The following OR9Q1 variants were observed in gnomAD, a reference collection of about 807,000 sequenced individuals.
OR9Q1 encodes the protein olfactory receptor 9Q1.
For missense variants in OR9Q1, 374 were observed against 378.8 expected (o/e 0.99, Z 0.11); for synonymous variants, 153 against 148.6 (o/e 1.03, Z -0.22).
intron 2 of OR9Q1, among the ~76,000 whole-genome samples, chr11:58,124,096 G>A (rs978118785): frequency 2.6e-5 from 4 of 152,044 alleles, no homozygotes; most frequent in African/African-American, 9.7e-5. Flanking sequence ...TTTCCCAGAG[G>A]GAAAAATTTT....
At chr11:58,149,483 C>T (rs1854329609) in intron 2 of OR9Q1, among the ~76,000 whole-genome samples, 1 of 152,084 alleles carries the variant, frequency 6.6e-6, no homozygotes, top group Non-Finnish European at 1.5e-5. Context: ...AAAAAATTTA[C>T]CATTTTAACC....
At chr11:58,126,175 C>T (rs1009681796) in intron 2 of OR9Q1, among the ~76,000 whole-genome samples, 1 of 152,174 alleles carries the variant, frequency 6.6e-6, no homozygotes, top group Non-Finnish European at 1.5e-5. Context: ...CTAACCACTC[C>T]AGCTCTTGTC....
chr11:58,123,392 A>G (rs1433034825), intron 2 of OR9Q1, among the ~76,000 whole-genome samples: 1 of 152,186 alleles, frequency 6.6e-6, no homozygotes, highest in Admixed American at 6.5e-5. Flanking sequence ...TATTACATCT[A>G]TCTCATGGCT....
At chr11:58,036,112 A>C (rs1853098482) in intron 1 of OR9Q1, among the ~76,000 whole-genome samples, 1 of 152,176 alleles carries the variant, frequency 6.6e-6, no homozygotes, top group African/African-American at 2.4e-5. Flanking sequence ...ATAATGATCT[A>C]TGAGTAGTGA....
In OR9Q1 at chr11:58,048,679, A is replaced by ATATATATATATATATATAT. The variant is rs1554965247; in HGVS notation, c.-92-7191_-92-7190insTATATATATATATATATAT. On this transcript the variant is annotated intron_variant, in intron 1 of 2. Transcript: ENST00000335397. ...GCAAGGACTCCATCTTAAAAAAAAA[A>ATATATATATATATATATAT]ATATATATATATATATTTTTTAGCA... 5.0e-4 allele frequency among the ~76,000 whole-genome samples: 66 copies of ATATATATATATATATATAT among 131,344 alleles called. 1 individual carries two copies. The highest frequency in any genetic ancestry group is 1.7e-3 in the African/African-American group (62 of 35,760). The allele number at this position is 131,344 out of a possible 152,430, so 86.2% of individuals were successfully genotyped here.
intron 2 of OR9Q1, among the ~76,000 whole-genome samples, chr11:58,106,695 T>C (rs1853843698): frequency 6.6e-6 from 1 of 152,192 alleles, no homozygotes; most frequent in African/African-American, 2.4e-5. Context: ...GGGTCCAGTG[T>C]CATTCTTTTG....
At chr11:58,037,686 TATA>T (rs1245543426) in intron 1 of OR9Q1, among the ~76,000 whole-genome samples, 152 of 7,944 alleles carry the variant, frequency 0.019, 7 homozygotes, top group East Asian at 0.034. Context: ...TATATATATA[TATA>T]TTTTTTTTTT....
intron 2 of OR9Q1, among the ~76,000 whole-genome samples, chr11:58,136,054 G>A (rs1456130815): frequency 1.3e-5 from 2 of 152,114 alleles, no homozygotes; most frequent in African/African-American, 4.8e-5. Context: ...AGTTTTCTGA[G>A]GTGTAGTAGA....
At chr11:58,092,241 G>T (rs182684711) in intron 2 of OR9Q1, among the ~76,000 whole-genome samples, 1 of 151,754 alleles carries the variant, frequency 6.6e-6, no homozygotes, top group African/African-American at 2.4e-5. Context: ...TCATAGTGTC[G>T]TATATTTTTG....
chr11:58,027,121 G>A (rs1056846240), intron 1 of OR9Q1, among the ~76,000 whole-genome samples: 3 of 152,218 alleles, frequency 2.0e-5, no homozygotes, highest in African/African-American at 7.2e-5. Context: ...TTAGGGTAGG[G>A]GGAGCAGTAA....
intron 2 of OR9Q1, among the ~76,000 whole-genome samples, chr11:58,138,845 G>C (rs895171129): frequency 1.3e-5 from 2 of 152,126 alleles, no homozygotes; most frequent in Non-Finnish European, 2.9e-5. Context: ...TCACCATGCT[G>C]TACCATAGAT....
chr11:58,053,633 T>TATATATAAA (rs1565062176), intron 1 of OR9Q1, among the ~76,000 whole-genome samples: 6 of 32,114 alleles, frequency 1.9e-4, no homozygotes, highest in Admixed American at 9.0e-4. Context: ...ATATAAAATA[T>TATATATAAA]ATATATATAT....
chr11:58,066,229 G>A (rs994135627), intron 2 of OR9Q1, among the ~76,000 whole-genome samples: 6 of 152,164 alleles, frequency 3.9e-5, no homozygotes, highest in Admixed American at 2.6e-4. Flanking sequence ...CTGTGTGTAA[G>A]GGGTCGCAGC....
chr11:58,064,790 G>A (rs1853412575), intron 2 of OR9Q1, among the ~76,000 whole-genome samples: 1 of 152,012 alleles, frequency 6.6e-6, no homozygotes, highest in South Asian at 2.1e-4. Flanking sequence ...ATTCTAAAGA[G>A]CCACAAAAAA....
intron 1 of OR9Q1, among the ~76,000 whole-genome samples, chr11:58,026,378 G>T (rs1490046999): frequency 1.3e-5 from 2 of 152,002 alleles, no homozygotes; most frequent in African/African-American, 4.8e-5. Context: ...ACATGTGCAG[G>T]CTTGTTAAAA....
chr11:58,168,994 A>G (rs1270069210), intron 2 of OR9Q1, among the ~76,000 whole-genome samples: 3 of 152,164 alleles, frequency 2.0e-5, no homozygotes, highest in Non-Finnish European at 4.4e-5. Context: ...TTTAGCCTTT[A>G]TTAATTTCTG....
intron 2 of OR9Q1, among the ~76,000 whole-genome samples, chr11:58,089,712 G>C (rs1853666469): frequency 6.6e-6 from 1 of 151,740 alleles, no homozygotes; most frequent in Admixed American, 6.6e-5. Flanking sequence ...TGCTTGATGG[G>C]GATAGCACTG....
intron 2 of OR9Q1, among the ~76,000 whole-genome samples, chr11:58,093,759 CAAA>C (rs71061572): frequency 5.6e-5 from 2 of 35,562 alleles, no homozygotes; most frequent in Non-Finnish European, 1.1e-4. Flanking sequence ...GACTTCATCT[CAAA>C]AAAAAAAAAA....
intron 1 of OR9Q1, among the ~76,000 whole-genome samples, chr11:58,048,791 A>G (rs2119961285): frequency 7.4e-6 from 1 of 134,730 alleles, no homozygotes; most frequent in African/African-American, 2.7e-5. Flanking sequence ...AGAAATACAA[A>G]CTGCCATCAG....
Sources: gnomAD v4.1 joint callset for allele counts (sites outside exome capture counted in the v4.1 genomes callset) on GRCh38, gnomAD v4.1.1 for gene constraint, MANE v1.5 for transcripts, NCBI Gene and HGNC (gene_info 2026-07-23, HGNC 2026-07-21) for gene names.